EXTL3: variants seen among roughly 807,000 people sequenced by gnomAD.
The protein encoded by EXTL3 is exostosin like glycosyltransferase 3, also known as exostosin-like 3.
A neutral mutation model predicts 69.3 loss-of-function variants in EXTL3; 27 were observed. The observed-to-expected ratio is 0.39, with a 90% CI of 0.29 to 0.54. The LOEUF (loss-of-function observed/expected upper bound fraction) is 0.54, where lower values mean the gene tolerates loss of function less well. Ranked by LOEUF, EXTL3 falls within the 20% of genes least tolerant of loss-of-function variation. The probability of loss-of-function intolerance (pLI) is 0.69; values close to 1 mark genes in which losing one functional copy is unlikely to be tolerated. For missense variants in EXTL3, 1,003 were observed against 1,231.8 expected, an observed-to-expected ratio of 0.81 and a Z score of 2.78; for synonymous variants, 511 against 499.4, an observed-to-expected ratio of 1.02 and a Z score of -0.31.
rs1802038896 is a variant in EXTL3, at chr8:28,752,893, T to A, written c.*2027T>A. 6.5e-6 allele frequency: 1 copy of A among 152,970 alleles called. No individual in the cohort carries two copies. Among genetic ancestry groups the A allele is most frequent in the African/African-American group, 2.4e-5 (1 of 41,460 alleles). 9.5% of individuals were successfully genotyped at this position (152,970 alleles called of 1,614,324 possible). A position where few individuals can be genotyped will look rare whatever the true frequency, so the allele number is the denominator to read the frequency against. On this transcript the variant is annotated 3_prime_UTR_variant, in exon 7 of 7. Transcript: ENST00000220562. ...ACTCACATACTGACTTCAGTGGGACTCGGTGAGCCGGGGCCGTCTGTGTGG... is the reference window on the plus strand; with the variant it reads ...ACTCACATACTGACTTCAGTGGGACACGGTGAGCCGGGGCCGTCTGTGTGG...
At chr8:28,695,360 C>T (rs1384832213) in intron 1 of EXTL3, among the ~76,000 whole-genome samples, 1 of 152,020 alleles carries the variant, frequency 6.6e-6, no homozygotes, top group Non-Finnish European at 1.5e-5. Flanking sequence ...AACTCCTGAC[C>T]TTGTGATACA....
In EXTL3 at chr8:28,716,281, C is replaced by G. The variant is rs376405458; in HGVS notation, c.222C>G (p.Cys74Trp). The G allele has an allele frequency of 1.9e-6, 3 of 1,614,054 alleles. No individual in the cohort carries two copies. Among genetic ancestry groups the G allele is most frequent in the Non-Finnish European group, 2.5e-6 (3 of 1,180,038 alleles). Residue 74 changes from cysteine to tryptophan, a missense_variant, in exon 3 of 7, where the codon TGC becomes TGG. By Grantham distance (215) the Cys-to-Trp change is radical. Around this residue, in one of 2 missense-constraint regions of EXTL3, gnomAD observed 742 missense variants for 815.4 expected, o/e 0.91. Transcript: ENST00000220562. The surrounding 1 kb of genome is among the most constrained non-coding windows in gnomAD (Gnocchi z 7.1). ...IFGPRVGNEL[C>W]EVKHVLDLCR... ...GTCCCCGGGTGGGGAACGAGCTGTG[C>G]GAGGTGAAGCACGTGCTGGATCTGT... is the stretch of plus-strand genomic sequence containing the variant.
At chr8:28,630,512 T>G (rs1364678411) in intron 1 of EXTL3, among the ~76,000 whole-genome samples, 1 of 152,180 alleles carries the variant, frequency 6.6e-6, no homozygotes. Context: ...GGTAGTTTAG[T>G]AAAACAATGG....
At chr8:28,675,954 G>A (rs914785955) in intron 1 of EXTL3, among the ~76,000 whole-genome samples, 2 of 148,316 alleles carry the variant, frequency 1.3e-5, no homozygotes, top group Non-Finnish European at 3.0e-5. Context: ...CCTGGGAGGC[G>A]GAGGTTGCAG....
chr8:28,663,905 A>G (rs1807154646), intron 1 of EXTL3, among the ~76,000 whole-genome samples: 1 of 152,210 alleles, frequency 6.6e-6, no homozygotes, highest in Admixed American at 6.5e-5. Context: ...TGCTGGCGGC[A>G]GGCTAAATTT....
intron 1 of EXTL3, among the ~76,000 whole-genome samples, chr8:28,669,680 G>A (rs1191183590): frequency 6.6e-6 from 1 of 152,132 alleles, no homozygotes; most frequent in Non-Finnish European, 1.5e-5. Context: ...GACTGTACAT[G>A]TTGTTTCCAT....
intron 1 of EXTL3, among the ~76,000 whole-genome samples, chr8:28,654,006 C>T (rs1384284447): frequency 6.6e-6 from 1 of 152,164 alleles, no homozygotes; most frequent in Non-Finnish European, 1.5e-5. Context: ...TTAAGTCTTC[C>T]AATCCATGAA....
chr8:28,677,229 G>GC (rs1441963804), intron 1 of EXTL3, among the ~76,000 whole-genome samples: 6 of 152,106 alleles, frequency 3.9e-5, no homozygotes, highest in African/African-American at 1.4e-4. Context: ...GAGCTATGGT[G>GC]CCTGCTTTTA....
intron 6 of EXTL3, among the ~76,000 whole-genome samples, chr8:28,749,847 C>T (rs1326451295): frequency 6.6e-6 from 1 of 152,182 alleles, no homozygotes; most frequent in Non-Finnish European, 1.5e-5. Flanking sequence ...TGGCCTGCTG[C>T]CACACGCAGC....
chr8:28,712,620 A>C (rs1801053885), intron 1 of EXTL3, among the ~76,000 whole-genome samples: 2 of 152,330 alleles, frequency 1.3e-5, no homozygotes, highest in Admixed American at 6.5e-5. Flanking sequence ...AGAGATTCTG[A>C]GGGTATCCTT....
chr8:28,723,700 G>A (rs1193150747), intron 3 of EXTL3, among the ~76,000 whole-genome samples: 2 of 147,958 alleles, frequency 1.4e-5, no homozygotes, highest in Middle Eastern at 3.4e-3. Context: ...GGAGCACAGT[G>A]GTGTGATCTT....
At chr8:28,634,213 A>G (rs1417859043) in intron 1 of EXTL3, among the ~76,000 whole-genome samples, 1 of 152,112 alleles carries the variant, frequency 6.6e-6, no homozygotes, top group African/African-American at 2.4e-5. Flanking sequence ...TTCTCTTTTA[A>G]AATTCTCATC....
chr8:28,648,641 C>G (rs1291089413), intron 1 of EXTL3, among the ~76,000 whole-genome samples: 2 of 148,246 alleles, frequency 1.3e-5, no homozygotes, highest in Non-Finnish European at 3.0e-5. Flanking sequence ...TCCCTCCCTT[C>G]CAGAGGCCAC....
At chr8:28,619,419 G>A (rs1002460088), upstream of EXTL3, among the ~76,000 whole-genome samples, 2 of 151,268 alleles carry the variant, frequency 1.3e-5, no homozygotes, top group Admixed American at 6.6e-5. Context: ...CTGAAAATTC[G>A]GATTGCCTCT....
At chr8:28,627,167 G>A (rs1168618213) in intron 1 of EXTL3, among the ~76,000 whole-genome samples, 5 of 149,492 alleles carry the variant, frequency 3.3e-5, no homozygotes, top group Admixed American at 6.7e-5. Context: ...CAGCCTGGGC[G>A]ACAGAGCGAG....
intron 1 of EXTL3, among the ~76,000 whole-genome samples, chr8:28,659,868 A>G (rs1807079203): frequency 1.3e-5 from 2 of 152,148 alleles, no homozygotes; most frequent in Admixed American, 1.3e-4. Context: ...ACTGTACTGG[A>G]GTCTCCCCTG....
chr8:28,619,195 C>T (rs888345457), upstream of EXTL3, among the ~76,000 whole-genome samples: 1 of 135,824 alleles, frequency 7.4e-6, no homozygotes, highest in Non-Finnish European at 1.6e-5. Context: ...ACCATATGTC[C>T]TTCTCAAGGC....
chr8:28,752,885 A>C lies in EXTL3; in HGVS notation c.*2019A>C, dbSNP rs1585305025. 1 of 152,464 alleles carries C rather than the reference A, an allele frequency of 6.6e-6. No homozygotes were observed. The highest frequency in any genetic ancestry group is 2.1e-4 in the South Asian group (1 of 4,804). 9.4% of individuals were successfully genotyped at this position (152,464 alleles called of 1,614,324 possible). ...TGTGAGGAACTCACATACTGACTTC[A>C]GTGGGACTCGGTGAGCCGGGGCCGT... On this transcript the variant is annotated 3_prime_UTR_variant, in exon 7 of 7. Transcript: ENST00000220562.
At chr8:28,732,427 T>C (rs1398036145) in intron 4 of EXTL3, among the ~76,000 whole-genome samples, 5 of 152,208 alleles carry the variant, frequency 3.3e-5, no homozygotes, top group Non-Finnish European at 5.9e-5. Context: ...TAAAATTCAC[T>C]CATTTAAGTG....
Sources: allele counts gnomAD v4.1 joint callset (sites outside exome capture counted in the v4.1 genomes callset), GRCh38; gene constraint gnomAD v4.1.1; regional missense constraint gnomAD v4.1.1; non-coding constraint Gnocchi (gnomAD v3.1); transcripts MANE v1.5; gene names NCBI Gene and HGNC (gene_info 2026-07-23, HGNC 2026-07-21).